Variants in AKAP12 observed in about 807,000 individuals in gnomAD.
AKAP12 encodes A-kinase anchoring protein 12.
In AKAP12, 32 loss-of-function variants were observed where a neutral mutation model predicts 79.9. That is an observed-to-expected ratio of 0.40 (90% CI 0.30 to 0.54). The LOEUF is 0.54. AKAP12 is among the 20% of genes least tolerant of loss of function. The pLI, the probability that AKAP12 is intolerant of heterozygous loss-of-function variation, is 0.48. For synonymous variants in AKAP12, 808 were observed against 857.0 expected, an observed-to-expected ratio of 0.94 and a Z score of 1.00; for missense variants, 2,074 against 2,177.0, an observed-to-expected ratio of 0.95 and a Z score of 0.94.
chr6:151,241,278 G>T (rs747886332), intron 2 of AKAP12, among the ~76,000 whole-genome samples: 1 of 152,240 alleles, frequency 6.6e-6, no homozygotes, highest in Non-Finnish European at 1.5e-5. Flanking sequence ...AGCGGCCCGA[G>T]CAGGCACCGC....
At chr6:151,256,620 A>G (rs375749187) in intron 2 of AKAP12, among the ~76,000 whole-genome samples, 1 of 151,974 alleles carries the variant, frequency 6.6e-6, no homozygotes, top group East Asian at 1.9e-4. Flanking sequence ...GTGTGTGTGT[A>G]TATACACATG....
rs747406627 is a variant in AKAP12, at chr6:151,349,242, C to T, written c.851C>T (p.Pro284Leu). Reference protein sequence around the residue: ...EKEPSKSAESPTSPVTSETGS... With the variant: ...EKEPSKSAESLTSPVTSETGS... Reference sequence around the variant, plus strand: ...GAACCTAGCAAGTCTGCAGAATCTCCGACTAGTCCCGTGACCAGTGAAACA... The same window carrying T: ...GAACCTAGCAAGTCTGCAGAATCTCTGACTAGTCCCGTGACCAGTGAAACA... The change falls in exon 4 of 5, where the codon CCG becomes CTG. Residue 284 changes from proline to leucine, a missense_variant. Around this residue, in one of 3 missense-constraint regions of AKAP12, gnomAD observed 1,428 missense variants for 1,451.0 expected, o/e 0.98. Transcript: ENST00000402676. 9.9e-6 allele frequency: 16 copies of T among 1,613,454 alleles called. No homozygotes were observed. Among genetic ancestry groups the T allele is most frequent in the Middle Eastern group, 1.6e-4 (1 of 6,082 alleles).
intron 2 of AKAP12, among the ~76,000 whole-genome samples, chr6:151,273,459 T>C (rs1251265539): frequency 1.3e-5 from 2 of 152,238 alleles, no homozygotes; most frequent in East Asian, 3.8e-4. Flanking sequence ...CGTAAATCAC[T>C]GTGAAATGGT....
At chr6:151,272,175 A>G (rs1776196107) in intron 2 of AKAP12, among the ~76,000 whole-genome samples, 1 of 152,032 alleles carries the variant, frequency 6.6e-6, no homozygotes, top group African/African-American at 2.4e-5. Flanking sequence ...CTTCAGCTCT[A>G]TAAAAATAAA....
At chr6:151,245,431 G>A (rs2114675659) in intron 2 of AKAP12, among the ~76,000 whole-genome samples, 1 of 151,970 alleles carries the variant, frequency 6.6e-6, no homozygotes, top group African/African-American at 2.4e-5. Context: ...GAGTCGCTGG[G>A]ATTACAGGCA....
chr6:151,350,149 G>A lies in AKAP12; in HGVS notation c.1758G>A (p.Val586=). 1.2e-6 allele frequency: 2 copies of A among 1,614,054 alleles called. No individual in the cohort carries two copies. ...GTCTGGAAAAGGGCTTAGCCGAGGT[G>A]CAGCAGGATGGGGAAGCTGAAGAAG... ...ITCLEKGLAE[V]QQDGEAEEGA... Residue 586 remains valine, a synonymous_variant, in exon 4 of 5, where the codon GTG becomes GTA. Transcript: ENST00000402676. This position sits in a 1 kb window ranked among gnomAD's most constrained non-coding sequence, Gnocchi z 4.8.
intron 3 of AKAP12, among the ~76,000 whole-genome samples, chr6:151,332,959 C>A (rs1416114830): frequency 6.6e-6 from 1 of 152,126 alleles, no homozygotes; most frequent in Admixed American, 6.5e-5. Context: ...GTCATTCAAT[C>A]ACACATGAGT....
At chr6:151,329,859 T>C (rs1039259486) in intron 3 of AKAP12, among the ~76,000 whole-genome samples, 1 of 152,208 alleles carries the variant, frequency 6.6e-6, no homozygotes. Context: ...AAAAGTAAGT[T>C]TCTCATGATT....
chr6:151,280,798 G>A lies in AKAP12; in HGVS notation c.163-24949G>A, dbSNP rs192583834. On this transcript the variant is annotated intron_variant, in intron 2 of 4. Coordinates refer to ENST00000402676, the MANE Select transcript of AKAP12 (RefSeq NM_005100.4). ...TAGGACTACAGTTGTAGGCCATCACGCCCAGCTCTTTTCTTTTTGAAAATA... is the reference window on the plus strand; with the variant it reads ...TAGGACTACAGTTGTAGGCCATCACACCCAGCTCTTTTCTTTTTGAAAATA... Among the ~76,000 whole-genome samples the A allele has an allele frequency of 1.3e-4, 20 of 151,860 alleles. 1 individual carries two copies. Among genetic ancestry groups the A allele is most frequent in the South Asian group, 8.3e-4 (4 of 4,810 alleles).
chr6:151,303,512 G>A (rs963814621), intron 2 of AKAP12, among the ~76,000 whole-genome samples: 1 of 152,216 alleles, frequency 6.6e-6, no homozygotes, highest in African/African-American at 2.4e-5. Flanking sequence ...ACAGCCAGGT[G>A]AAATCAATTT....
intron 3 of AKAP12, among the ~76,000 whole-genome samples, chr6:151,314,555 A>T (rs1777195549): frequency 6.6e-6 from 1 of 152,170 alleles, no homozygotes; most frequent in Admixed American, 6.5e-5. Flanking sequence ...GGGATTGGTT[A>T]TAGCCAGGGA....
At chr6:151,341,585 G>A in intron 3 of AKAP12, 1 of 562,830 alleles carries the variant, frequency 1.8e-6, no homozygotes, top group South Asian at 3.0e-5. Flanking sequence ...GCTTTCGCGA[G>A]CTATGGCAGC....
chr6:151,316,968 A>G (rs1403626941), intron 3 of AKAP12, among the ~76,000 whole-genome samples: 1 of 152,160 alleles, frequency 6.6e-6, no homozygotes, highest in African/African-American at 2.4e-5. Context: ...GGCCCAGGCT[A>G]ATGGCCTCAT....
chr6:151,342,895 T>G (rs895602842), intron 3 of AKAP12, among the ~76,000 whole-genome samples: 1 of 152,152 alleles, frequency 6.6e-6, no homozygotes, highest in Non-Finnish European at 1.5e-5. Flanking sequence ...CCCAAGTAGC[T>G]GAGACTACAG....
intron 2 of AKAP12, among the ~76,000 whole-genome samples, chr6:151,301,123 C>CTCCAATGAATCCCATCTGGT (rs1776856081): frequency 1.3e-5 from 2 of 152,162 alleles, no homozygotes; most frequent in South Asian, 4.1e-4. Flanking sequence ...TCCCATCTGG[C>CTCCAATGAATCCCATCTGGT]TCCAATGAAT....
intron 3 of AKAP12, among the ~76,000 whole-genome samples, chr6:151,316,520 C>T (rs1777237935): frequency 6.6e-6 from 1 of 152,164 alleles, no homozygotes; most frequent in African/African-American, 2.4e-5. Flanking sequence ...TTTGGTTCCT[C>T]CTGAGGCCTC....
intron 3 of AKAP12, chr6:151,341,782 G>A (rs1161091673): frequency 7.8e-7 from 1 of 1,288,782 alleles, no homozygotes; most frequent in Non-Finnish European, 1.0e-6. Context: ...ACCGGCCCGA[G>A]ATGGGTGTGT....
At chr6:151,279,908 T>C (rs1582852305) in intron 2 of AKAP12, among the ~76,000 whole-genome samples, 1 of 152,266 alleles carries the variant, frequency 6.6e-6, no homozygotes, top group East Asian at 1.9e-4. Flanking sequence ...AATAAATATC[T>C]TTTTTTAAGC....
At position 151,294,756 on chromosome 6, in the gene AKAP12, C is replaced by T. The variant is rs143900758; in HGVS notation, c.163-10991C>T. 4.4e-4 allele frequency among the ~76,000 whole-genome samples: 67 copies of T among 152,246 alleles called. No homozygotes were observed. The East Asian group carries it at 8.7e-3, about 20-fold the overall frequency. On this transcript the variant is annotated intron_variant, in intron 2 of 4. Transcript: ENST00000402676. ...CTTTAACATACTTTCCCAGAGAACT[C>T]GGGAGTTTTAATACTTTTAAAAACA... is the stretch of plus-strand genomic sequence containing the variant.
Sources: allele counts gnomAD v4.1 joint callset (sites outside exome capture counted in the v4.1 genomes callset), GRCh38; gene constraint gnomAD v4.1.1; regional missense constraint gnomAD v4.1.1; non-coding constraint Gnocchi (gnomAD v3.1); transcripts MANE v1.5; gene names NCBI Gene and HGNC (gene_info 2026-07-23, HGNC 2026-07-21).